Variants in TASP1 observed in about 807,000 individuals in gnomAD.
The protein encoded by TASP1 is taspase 1, also known as threonine aspartase 1.
TASP1 carries 16 observed loss-of-function variants against 56.6 expected under a neutral mutation model. That is an observed-to-expected ratio of 0.28 (90% CI 0.19 to 0.43). The LOEUF (loss-of-function observed/expected upper bound fraction) is 0.43. TASP1 is among the 20% of genes least tolerant of loss of function. The pLI is 1.00. For missense variants in TASP1, 393 were observed against 511.6 expected, an observed-to-expected ratio of 0.77 and a Z score of 2.24; for synonymous variants, 179 against 184.2, an observed-to-expected ratio of 0.97 and a Z score of 0.23.
chr20:13,117,310 T>A, the TASP1 span, among the ~76,000 whole-genome samples: 32 of 152,246 alleles, frequency 2.1e-4, no homozygotes, highest in Non-Finnish European at 4.0e-4. Flanking sequence ...ATGTAAATTA[T>A]TTTATCCAAG....
At chr20:13,138,946 T>C in the TASP1 span, among the ~76,000 whole-genome samples, 1 of 152,190 alleles carries the variant, frequency 6.6e-6, no homozygotes, top group African/African-American at 2.4e-5. Context: ...GGAGACACAA[T>C]CTGAAACTCA....
At chr20:13,119,504 T>C in the TASP1 span, among the ~76,000 whole-genome samples, 2 of 152,216 alleles carry the variant, frequency 1.3e-5, no homozygotes, top group African/African-American at 2.4e-5. Context: ...AAAATTACCA[T>C]TATTTACATT....
the TASP1 span, among the ~76,000 whole-genome samples, chr20:13,163,064 G>T: frequency 6.6e-6 from 1 of 151,994 alleles, no homozygotes; most frequent in Non-Finnish European, 1.5e-5. Context: ...AAGTTTAAAA[G>T]GTTGAGATAA....
chr20:13,382,601 G>A, the TASP1 span, among the ~76,000 whole-genome samples: 2 of 152,324 alleles, frequency 1.3e-5, no homozygotes, highest in South Asian at 2.1e-4. Context: ...AGCCATGATC[G>A]TGCCACTGTG....
chr20:13,569,631 T>G (rs1267901421), intron 6 of TASP1, 45 bp from the exon 7 acceptor site: 1 of 1,496,092 alleles, frequency 6.7e-7, no homozygotes, highest in East Asian at 2.3e-5. Flanking sequence ...TGTCATCTTC[T>G]CCTACATATT....
chr20:13,168,879 T>C, the TASP1 span: 1 of 152,160 alleles, frequency 6.6e-6, no homozygotes, highest in South Asian at 2.1e-4. Flanking sequence ...TTAAAGAGTC[T>C]GTATTTTAAA....
the TASP1 span, among the ~76,000 whole-genome samples, chr20:13,344,384 C>T: frequency 6.6e-6 from 1 of 152,090 alleles, no homozygotes; most frequent in African/African-American, 2.4e-5. Flanking sequence ...CTGGTAAAAG[C>T]ATGCAATTAA....
chr20:13,106,992 G>C, the TASP1 span, among the ~76,000 whole-genome samples: 1 of 152,222 alleles, frequency 6.6e-6, no homozygotes, highest in East Asian at 1.9e-4. Context: ...AAATGAGGTG[G>C]AAAATGGGCC....
At chr20:13,500,724 A>G (rs1601018429) in intron 10 of TASP1, among the ~76,000 whole-genome samples, 2 of 152,084 alleles carry the variant, frequency 1.3e-5, no homozygotes, top group Non-Finnish European at 2.9e-5. Flanking sequence ...AAACTGAAAT[A>G]CAAAGAGGAA....
At chr20:13,406,157 A>G (rs1462268605) in intron 13 of TASP1, among the ~76,000 whole-genome samples, 1 of 152,204 alleles carries the variant, frequency 6.6e-6, no homozygotes, top group Admixed American at 6.5e-5. Context: ...TTGCAGTTCT[A>G]GGTCCTTTAA....
At chr20:13,545,958 G>A (rs915944204) in intron 8 of TASP1, among the ~76,000 whole-genome samples, 5 of 152,102 alleles carry the variant, frequency 3.3e-5, no homozygotes, top group Non-Finnish European at 7.3e-5. Flanking sequence ...GCAGAGCTTA[G>A]AGTGATTTCT....
the TASP1 span, among the ~76,000 whole-genome samples, chr20:13,362,775 G>A: frequency 5.0e-5 from 7 of 140,874 alleles, no homozygotes; most frequent in African/African-American, 1.9e-4. Flanking sequence ...GCAGTAAAGG[G>A]AGATTGACTG....
chr20:13,231,225 G>A, the TASP1 span, among the ~76,000 whole-genome samples: 1 of 152,186 alleles, frequency 6.6e-6, no homozygotes, highest in Non-Finnish European at 1.5e-5. Flanking sequence ...GAGTTTCCAT[G>A]AGGCCCCTGC....
chr20:13,463,920 T>C (rs2044152282), intron 11 of TASP1, among the ~76,000 whole-genome samples: 1 of 152,122 alleles, frequency 6.6e-6, no homozygotes, highest in Admixed American at 6.6e-5. Context: ...AATGTGCAGC[T>C]GCTAAGGAAA....
intron 7 of TASP1, among the ~76,000 whole-genome samples, chr20:13,569,306 A>G (rs1179173629): frequency 1.3e-5 from 2 of 152,150 alleles, no homozygotes; most frequent in Non-Finnish European, 2.9e-5. Context: ...TTATAAAAGC[A>G]TAAGGAAGCA....
At chr20:13,618,680 G>A (rs915587390) in intron 4 of TASP1, among the ~76,000 whole-genome samples, 2 of 152,008 alleles carry the variant, frequency 1.3e-5, no homozygotes, top group Non-Finnish European at 2.9e-5. Context: ...TAAAGCATTT[G>A]GACAAGAAAC....
At chr20:13,270,554 C>G in the TASP1 span, 1 of 1,613,890 alleles carries the variant, frequency 6.2e-7, no homozygotes, top group South Asian at 1.1e-5. Context: ...GCTTTTCTCT[C>G]TCCAAAGAAG....
At chr20:13,330,762 T>C in the TASP1 span, among the ~76,000 whole-genome samples, 1 of 152,198 alleles carries the variant, frequency 6.6e-6, no homozygotes, top group Admixed American at 6.5e-5. Context: ...TTTGAGAAAT[T>C]GCTTTATTTC....
At chr20:13,464,060 C>T (rs1190793942) in intron 11 of TASP1, among the ~76,000 whole-genome samples, 1 of 152,126 alleles carries the variant, frequency 6.6e-6, no homozygotes, top group African/African-American at 2.4e-5. Context: ...ATATTAATTG[C>T]AGCATTATTC....
Sources: gnomAD v4.1 joint callset for allele counts (sites outside exome capture counted in the v4.1 genomes callset) on GRCh38, gnomAD v4.1.1 for gene constraint, MANE v1.5 for transcripts, NCBI Gene and HGNC (gene_info 2026-07-23, HGNC 2026-07-21) for gene names.